Variants in CHEK2 observed in about 807,000 individuals in gnomAD.
CHEK2 encodes serine/threonine-protein kinase Chk2.
In CHEK2, 71 loss-of-function variants were observed where a neutral mutation model predicts 69.1. The ratio of observed to expected loss-of-function variants is 1.03; its 90% confidence interval spans 0.85 to 1.25. The LOEUF (loss-of-function observed/expected upper bound fraction) is 1.25. CHEK2 is among the 50% of genes most tolerant of loss of function. The pLI is 0.00. For synonymous variants in CHEK2, 189 were observed against 226.9 expected (o/e 0.83, Z 1.50); for missense variants, 664 against 649.6 (o/e 1.02, Z -0.24).
intron 6 of CHEK2, among the ~76,000 whole-genome samples, chr22:28,711,087 C>G (rs2053374135): frequency 1.3e-5 from 2 of 152,058 alleles, no homozygotes; most frequent in African/African-American, 4.8e-5. Context: ...TAGCCAGAAA[C>G]AGCTGGCCAC....
chr22:28,694,269 C>T, intron 12 of CHEK2, 152 bp from the exon 13 acceptor site: 1 of 678,492 alleles, frequency 1.5e-6, no homozygotes, highest in East Asian at 2.8e-5. Flanking sequence ...CTTCCTCACT[C>T]TCTGTATTCA....
At position 28,694,293 on chromosome 22, in the gene CHEK2, A is replaced by C. The variant is rs759435245; in HGVS notation, c.1376-176T>G. On this transcript the variant is annotated intron_variant, in intron 12 of 14. Transcript: ENST00000404276. Reference sequence around the variant, plus strand: ...TCTCTGTATTCAGAGTACTGTGAGAAGACCAGGAATGATAATGACACTCCC... The same window carrying C: ...TCTCTGTATTCAGAGTACTGTGAGACGACCAGGAATGATAATGACACTCCC... 1.6e-4 allele frequency among the ~76,000 whole-genome samples: 24 copies of C among 152,324 alleles called. No individual in the cohort carries two copies. In the Middle Eastern group the frequency reaches 0.01, roughly 65 times the overall value.
chr22:28,738,649 G>T lies in CHEK2; in HGVS notation c.-7+3120C>A, dbSNP rs142135578. On this transcript the variant is annotated intron_variant, in intron 1 of 14. Transcript: ENST00000404276. ...AGGGCAGCAAAACTCCAGGACTGTA[G>T]ACAGAAATCCAGTCCCAAAACCTAT... 3.1e-3 allele frequency among the ~76,000 whole-genome samples: 465 copies of T among 152,288 alleles called. 1 individual carries two copies. The highest frequency in any genetic ancestry group is 0.011 in the African/African-American group (445 of 41,566).
At chr22:28,740,464 T>G (rs2054523536) in intron 1 of CHEK2, among the ~76,000 whole-genome samples, 1 of 152,210 alleles carries the variant, frequency 6.6e-6, no homozygotes, top group African/African-American at 2.4e-5. Flanking sequence ...TTGCTCTCCT[T>G]GGACTGGTTT....
chr22:28,716,341 C>A (rs889238812), intron 5 of CHEK2, among the ~76,000 whole-genome samples: 2 of 151,864 alleles, frequency 1.3e-5, no homozygotes, highest in African/African-American at 4.8e-5. Context: ...GGATTACAGG[C>A]ATGCGTCACC....
rs374938148 is a variant in CHEK2 at position 28,734,725 on chromosome 22, G to A, written c.-4C>T. ...CAACATCCGACTCCCGAGACATCAC[G>A]ACCTCAAAAAGAAAGTGTCCAACAA... is the stretch of plus-strand genomic sequence containing the variant. On this transcript the variant is annotated splice_region_variant and 5_prime_UTR_variant, in exon 2 of 15. Transcript: ENST00000404276. 154 of 1,611,776 alleles carry A rather than the reference G, an allele frequency of 9.6e-5. No individual in the cohort carries two copies. The highest frequency in any genetic ancestry group is 1.2e-4 in the Non-Finnish European group (142 of 1,179,734).
At chr22:28,705,599 A>G (rs2053089064) in intron 7 of CHEK2, among the ~76,000 whole-genome samples, 1 of 152,132 alleles carries the variant, frequency 6.6e-6, no homozygotes. Flanking sequence ...CAGTAAAACT[A>G]TATTATTTAG....
intron 11 of CHEK2, 35 bp from the exon 12 acceptor site, chr22:28,695,277 C>A (rs2145796765): frequency 1.7e-6 from 2 of 1,179,326 alleles, no homozygotes; most frequent in South Asian, 1.2e-5. Flanking sequence ...GAAAAGAAAT[C>A]AAGTGGCATT....
At chr22:28,721,368 C>A (rs1254310042) in intron 4 of CHEK2, 1 of 204,670 alleles carries the variant, frequency 4.9e-6, no homozygotes, top group African/African-American at 2.4e-5. Flanking sequence ...CTCACTGCAA[C>A]CTCCACCTCC....
chr22:28,711,816 A>G, intron 6 of CHEK2, 93 bp downstream of exon 6: 1 of 897,970 alleles, frequency 1.1e-6, no homozygotes, highest in South Asian at 1.3e-5. Flanking sequence ...GCAGGGGGTT[A>G]TTCCTGAGTT....
intron 8 of CHEK2, among the ~76,000 whole-genome samples, chr22:28,701,069 G>A (rs534948728): frequency 3.9e-5 from 6 of 151,976 alleles, no homozygotes; most frequent in Admixed American, 6.6e-5. Flanking sequence ...GATTACAGGC[G>A]TGAGCCACCG....
chr22:28,705,835 AGAATCGCTTGTACCTGG>A (rs1267361907), intron 7 of CHEK2, among the ~76,000 whole-genome samples: 1 of 151,966 alleles, frequency 6.6e-6, no homozygotes, highest in Non-Finnish European at 1.5e-5. Flanking sequence ...CTGAGACAGG[AGAATCGCTTGTACCTGG>A]GAATCGCTTG....
intron 5 of CHEK2, among the ~76,000 whole-genome samples, chr22:28,718,250 G>A (rs1326537020): frequency 6.6e-6 from 1 of 152,110 alleles, no homozygotes. Flanking sequence ...CTGTTAGAAT[G>A]GCTATTATCA....
chr22:28,734,729 T>C lies in CHEK2; in HGVS notation c.-6-2A>G, dbSNP rs1555932985. 1 of 1,606,676 alleles carries C rather than the reference T, an allele frequency of 6.2e-7. No homozygotes were observed. The highest frequency in any genetic ancestry group is 1.1e-5 in the South Asian group (1 of 90,728). On this transcript the variant is annotated splice_acceptor_variant, in intron 1 of 14. Transcript: ENST00000404276. LOFTEE classifies it low-confidence loss of function (5UTR_SPLICE). The stretch of plus-strand genomic sequence containing the variant: ...ATCCGACTCCCGAGACATCACGACC[T>C]CAAAAAGAAAGTGTCCAACAACAAA...
At chr22:28,731,739 G>A (rs1376011173) in intron 2 of CHEK2, among the ~76,000 whole-genome samples, 1 of 151,988 alleles carries the variant, frequency 6.6e-6, no homozygotes, top group Admixed American at 6.6e-5. Flanking sequence ...ATATTGCCCA[G>A]CAGGTCTCAA....
chr22:28,725,531 C>A (rs1321849695), intron 2 of CHEK2, among the ~76,000 whole-genome samples, 164 bp from the exon 3 acceptor site: 2 of 152,168 alleles, frequency 1.3e-5, no homozygotes, highest in South Asian at 2.1e-4. Flanking sequence ...AGAGAAAAAA[C>A]AACATTACCA....
rs1060502706 is a variant in CHEK2, at chr22:28,725,343, A to C, written c.344T>G (p.Phe115Cys). 2.5e-6 allele frequency: 4 copies of C among 1,614,092 alleles called. No homozygotes were observed. The highest frequency in any genetic ancestry group is 3.4e-6 in the Non-Finnish European group (4 of 1,179,992). The part of the protein sequence containing the change: ...NLECVNDNYW[F>C]GRDKSCEYCF... ...ATATTCACAGCTTTTGTCCCTCCCAAACCAGTAGTTGTCATTCACACATTC... is the reference window on the plus strand; with the variant it reads ...ATATTCACAGCTTTTGTCCCTCCCACACCAGTAGTTGTCATTCACACATTC... Residue 115 changes from phenylalanine to cysteine, a missense_variant, in exon 3 of 15, where the codon TTT (phenylalanine) becomes TGT (cysteine). Coordinates refer to ENST00000404276, the MANE Select transcript of CHEK2 (RefSeq NM_007194.4).
chr22:28,694,737 T>A (rs1030859132), intron 12 of CHEK2, among the ~76,000 whole-genome samples: 1 of 152,210 alleles, frequency 6.6e-6, no homozygotes, highest in Non-Finnish European at 1.5e-5. Context: ...TTTACATGCT[T>A]GCTTACTCAA....
intron 1 of CHEK2, 64 bp from the exon 2 acceptor site, chr22:28,734,791 TA>T (rs2054345305): frequency 7.8e-7 from 1 of 1,274,618 alleles, no homozygotes; most frequent in Non-Finnish European, 1.1e-6. Flanking sequence ...AATTAAAAAG[TA>T]AATGATGGGC....
Sources: gnomAD v4.1 joint callset for allele counts (sites outside exome capture counted in the v4.1 genomes callset) on GRCh38, gnomAD v4.1.1 for gene constraint, MANE v1.5 for transcripts, NCBI Gene and HGNC (gene_info 2026-07-23, HGNC 2026-07-21) for gene names.